Variants in EPHB1 observed in about 807,000 individuals in gnomAD.
The protein encoded by EPHB1 is EPH receptor B1, also known as ephrin type-B receptor 1.
EPHB1 carries 30 observed loss-of-function variants against 94.4 expected under a neutral mutation model. The ratio of observed to expected loss-of-function variants is 0.32; its 90% confidence interval spans 0.24 to 0.43. The LOEUF is 0.43. Among genes scored for constraint, EPHB1 ranks in the 20% least tolerant of loss-of-function variants. The probability of loss-of-function intolerance (pLI) is 1.00; values close to 1 mark genes in which losing one functional copy is unlikely to be tolerated. For synonymous variants in EPHB1, 522 were observed against 489.1 expected (o/e 1.07, Z -0.89); for missense variants, 1,055 against 1,308.3 (o/e 0.81, Z 2.99).
chr3:135,018,762 C>T (rs1263641460), intron 3 of EPHB1, among the ~76,000 whole-genome samples: 1 of 152,176 alleles, frequency 6.6e-6, no homozygotes, highest in Non-Finnish European at 1.5e-5. Context: ...GACATGTAGC[C>T]TAGCACTGTG....
rs560511657 is a variant in EPHB1, at chr3:135,054,071, A to G, written c.806-52377A>G. On this transcript the variant is annotated intron_variant, in intron 3 of 15. Coordinates refer to ENST00000398015, the MANE Select transcript of EPHB1 (RefSeq NM_004441.5). ...CACACACACACACACACACACACACATAGCATTATTTATATGACAAATTTA... is the reference window on the plus strand; with the variant it reads ...CACACACACACACACACACACACACGTAGCATTATTTATATGACAAATTTA... Among the ~76,000 whole-genome samples the G allele has an allele frequency of 9.7e-4, 148 of 151,848 alleles. 1 individual carries two copies. Among genetic ancestry groups the G allele is most frequent in the African/African-American group, 3.5e-3 (145 of 41,312 alleles).
At position 135,056,861 on chromosome 3, in the gene EPHB1, G is replaced by A. The variant is rs543123509; in HGVS notation, c.806-49587G>A. Among the ~76,000 whole-genome samples, 57 of 152,214 alleles carry A rather than the reference G, an allele frequency of 3.7e-4. No individual in the cohort carries two copies. The South Asian group carries it at 9.5e-3, about 25-fold the overall frequency. Reference sequence around the variant, plus strand: ...TGAGGTGTAGGGGAGGCATCCAGGCGGTGAGCCCCAAGGGCTGCCATGCTG... The same window carrying A: ...TGAGGTGTAGGGGAGGCATCCAGGCAGTGAGCCCCAAGGGCTGCCATGCTG... On this transcript the variant is annotated intron_variant, in intron 3 of 15. Transcript: ENST00000398015.
At chr3:135,068,859 A>G (rs963454627) in intron 3 of EPHB1, among the ~76,000 whole-genome samples, 12 of 151,486 alleles carry the variant, frequency 7.9e-5, no homozygotes, top group Admixed American at 7.2e-4. Flanking sequence ...CGCGTTAGCC[A>G]GGATGGTCTC....
intron 9 of EPHB1, among the ~76,000 whole-genome samples, chr3:135,174,791 A>G (rs1036817373): frequency 7.2e-5 from 11 of 152,206 alleles, no homozygotes; most frequent in Non-Finnish European, 1.6e-4. Flanking sequence ...AGTCACAAAA[A>G]TGACATCGTC....
At chr3:135,203,824 G>T (rs1009257094) in intron 12 of EPHB1, among the ~76,000 whole-genome samples, 3 of 152,098 alleles carry the variant, frequency 2.0e-5, no homozygotes, top group African/African-American at 7.2e-5. Flanking sequence ...TTGCCGCCAA[G>T]ATTACTTTTA....
At chr3:134,810,685 T>C (rs948115881) in intron 1 of EPHB1, among the ~76,000 whole-genome samples, 3 of 152,188 alleles carry the variant, frequency 2.0e-5, no homozygotes, top group Non-Finnish European at 2.9e-5. Flanking sequence ...AATTTAGAAG[T>C]TGTCTTCATT....
rs1017090022 is a variant in EPHB1, at chr3:135,162,187, G to A, written c.1585+7G>A. On this transcript the variant is annotated splice_region_variant and intron_variant, in intron 7 of 15. Coordinates refer to ENST00000398015, the MANE Select transcript of EPHB1 (RefSeq NM_004441.5). The stretch of plus-strand genomic sequence containing the variant: ...TTCCAGACTCTGACTGACGGTAAGG[G>A]TCGGGGAGGGCAGTGGCATAATCAC... 1.3e-6 allele frequency: 2 copies of A among 1,594,370 alleles called. No individual in the cohort carries two copies. The highest frequency in any genetic ancestry group is 1.7e-5 in the Admixed American group (1 of 58,578).
At chr3:135,230,186 G>A (rs1296740870) in intron 12 of EPHB1, among the ~76,000 whole-genome samples, 1 of 152,146 alleles carries the variant, frequency 6.6e-6, no homozygotes, top group Non-Finnish European at 1.5e-5. Flanking sequence ...ATAGTGGGGT[G>A]GCCTCTGAGC....
intron 1 of EPHB1, among the ~76,000 whole-genome samples, chr3:134,831,590 G>A (rs1446125838): frequency 2.6e-5 from 4 of 152,196 alleles, no homozygotes; most frequent in South Asian, 4.2e-4. Flanking sequence ...ACAAGCTGCC[G>A]CCATGTCCTC....
At chr3:134,810,781 G>A (rs1158747418) in intron 1 of EPHB1, among the ~76,000 whole-genome samples, 3 of 152,184 alleles carry the variant, frequency 2.0e-5, no homozygotes, top group East Asian at 3.8e-4. Context: ...TAAGATGTTG[G>A]GAGCAAAGGG....
chr3:134,986,434 G>A (rs912404573), intron 3 of EPHB1, among the ~76,000 whole-genome samples: 1 of 152,164 alleles, frequency 6.6e-6, no homozygotes, highest in Admixed American at 6.5e-5. Flanking sequence ...TGTCTTGTCT[G>A]TGTGCGTGGC....
At chr3:134,967,547 G>A (rs987127559) in intron 3 of EPHB1, among the ~76,000 whole-genome samples, 2 of 152,068 alleles carry the variant, frequency 1.3e-5, no homozygotes, top group African/African-American at 4.8e-5. Flanking sequence ...TACAATGGTT[G>A]TATTGTTACC....
chr3:134,823,998 A>G (rs886614319), intron 1 of EPHB1: 6 of 152,238 alleles, frequency 3.9e-5, no homozygotes, highest in Admixed American at 3.9e-4. Flanking sequence ...AGGGAAGCAC[A>G]CTGACATTTG....
At chr3:134,863,687 C>T (rs748674775) in intron 1 of EPHB1, among the ~76,000 whole-genome samples, 48 of 152,168 alleles carry the variant, frequency 3.2e-4, no homozygotes, top group Non-Finnish European at 6.2e-4. Flanking sequence ...GCTCTTTCAC[C>T]ACAAAGCCTG....
intron 4 of EPHB1, among the ~76,000 whole-genome samples, chr3:135,124,416 T>C (rs1490103683): frequency 6.6e-6 from 1 of 151,774 alleles, no homozygotes; most frequent in Non-Finnish European, 1.5e-5. Context: ...ATAAGCTCCA[T>C]GAGGGCAGTG....
rs117202656 is a variant in EPHB1 at position 135,176,281 on chromosome 3, A to T, written c.1760-3579A>T. Among the ~76,000 whole-genome samples, 45 of 152,316 alleles carry T rather than the reference A, an allele frequency of 3.0e-4. No homozygotes were observed. The East Asian group carries it at 6.9e-3, about 23-fold the overall frequency. On this transcript the variant is annotated intron_variant, in intron 9 of 15. Coordinates refer to ENST00000398015, the MANE Select transcript of EPHB1 (RefSeq NM_004441.5). ...ATCAGACCTTAGGGGAAAGTCATTGAGTTTGAGCCATTTGTTAGACCAATG... is the reference window on the plus strand; with the variant it reads ...ATCAGACCTTAGGGGAAAGTCATTGTGTTTGAGCCATTTGTTAGACCAATG...
chr3:135,253,481 A>G (rs1453596543), intron 15 of EPHB1, among the ~76,000 whole-genome samples: 4 of 151,628 alleles, frequency 2.6e-5, no homozygotes, highest in East Asian at 1.9e-4. Context: ...TCCTTTCCCC[A>G]TTGCTTGTTT....
chr3:134,795,639 T>C lies in EPHB1; in HGVS notation c.8T>C (p.Leu3Pro). Residue 3 changes from leucine (L) to proline (P), a missense_variant, in exon 1 of 16, where the codon CTG (leucine) becomes CCG (proline). By Grantham distance (98) the Leu-to-Pro change is moderately conservative. Transcript: ENST00000398015. Reference protein sequence around the residue: MALDYLLLLLLAS... With the variant: MAPDYLLLLLLAS... ...GCGGGCCGTCGGCCGGCGATGGCCC[T>C]GGATTATCTACTACTGCTCCTCCTG... is the stretch of plus-strand genomic sequence containing the variant. The C allele has an allele frequency of 1.2e-6, 2 of 1,606,926 alleles. No homozygotes were observed. The highest frequency in any genetic ancestry group is 2.2e-5 in the South Asian group (2 of 90,530).
At chr3:135,179,037 C>T (rs1459518545) in intron 9 of EPHB1, among the ~76,000 whole-genome samples, 1 of 151,998 alleles carries the variant, frequency 6.6e-6, no homozygotes, top group Non-Finnish European at 1.5e-5. Context: ...TGTTCCCTCT[C>T]CTCTACTTTT....
Sources: allele counts gnomAD v4.1 joint callset (sites outside exome capture counted in the v4.1 genomes callset), GRCh38; gene constraint gnomAD v4.1.1; transcripts MANE v1.5; gene names NCBI Gene and HGNC (gene_info 2026-07-23, HGNC 2026-07-21).